The following CNTN4 variants were observed in gnomAD, a reference collection of about 807,000 sequenced individuals.
The protein encoded by CNTN4 is contactin-4.
A neutral mutation model predicts 122.5 loss-of-function variants in CNTN4; 77 were observed. The ratio of observed to expected loss-of-function variants is 0.63; its 90% CI spans 0.52 to 0.76. The LOEUF is 0.76. CNTN4 is among the 30% of genes least tolerant of loss of function. The probability of loss-of-function intolerance (pLI) is 0.00; values close to 1 mark genes in which losing one functional copy is unlikely to be tolerated. For missense variants in CNTN4, 1,256 were observed against 1,259.1 expected (o/e 1.00, Z 0.04); for synonymous variants, 512 against 447.0 (o/e 1.15, Z -1.83).
intron 2 of CNTN4, among the ~76,000 whole-genome samples, chr3:2,148,505 C>T (rs992018056): frequency 2.0e-5 from 3 of 151,416 alleles, no homozygotes; most frequent in African/African-American, 7.3e-5. Context: ...TGCACTTCAG[C>T]CTGGGTGACA....
At chr3:2,834,010 G>A (rs2093160671) in intron 7 of CNTN4, among the ~76,000 whole-genome samples, 2 of 152,034 alleles carry the variant, frequency 1.3e-5, no homozygotes, top group South Asian at 4.2e-4. Flanking sequence ...GCTGGGCATG[G>A]TGGCGGGCAC....
At position 2,570,200 on chromosome 3, in the gene CNTN4, G is replaced by T. The variant is rs1209480539; in HGVS notation, c.-88-1216G>T. 2.0e-5 allele frequency among the ~76,000 whole-genome samples: 3 copies of T among 151,878 alleles called. No individual in the cohort carries two copies. In the East Asian group the frequency reaches 5.8e-4, roughly 29 times the overall value. On this transcript the variant is annotated intron_variant, in intron 3 of 24. Coordinates refer to ENST00000418658, the MANE Select transcript of CNTN4 (RefSeq NM_175607.3). ...AATTTTTTTTTTTCTCTGAGACAGG[G>T]TCTCCCTCTGTTGCCCAGGCTGGAA...
intron 12 of CNTN4, among the ~76,000 whole-genome samples, chr3:2,922,524 T>C (rs756820902): frequency 2.0e-5 from 3 of 152,102 alleles, no homozygotes; most frequent in Admixed American, 6.6e-5. Flanking sequence ...TACCACAGTT[T>C]ATGGTTACAA....
chr3:2,781,623 A>G (rs1327954657), intron 6 of CNTN4, among the ~76,000 whole-genome samples: 1 of 151,726 alleles, frequency 6.6e-6, no homozygotes, highest in Non-Finnish European at 1.5e-5. Context: ...GGGAGACATG[A>G]GACATCAATC....
chr3:2,819,721 C>T (rs560316805), intron 7 of CNTN4, 140 bp downstream of exon 7: 45 of 723,156 alleles, frequency 6.2e-5, no homozygotes, highest in Non-Finnish European at 9.2e-5. Flanking sequence ...GGAAAAACCA[C>T]GGTGAATGCC....
intron 14 of CNTN4, among the ~76,000 whole-genome samples, chr3:3,005,731 T>G (rs1188772161): frequency 1.8e-5 from 1 of 56,898 alleles, no homozygotes; most frequent in Non-Finnish European, 4.4e-5. Context: ...GGGCACTAAT[T>G]CCATTCATGA....
chr3:2,658,801 T>A (rs1333035026), intron 4 of CNTN4, among the ~76,000 whole-genome samples: 3 of 152,032 alleles, frequency 2.0e-5, no homozygotes, highest in Non-Finnish European at 4.4e-5. Context: ...GGGTCTTAGT[T>A]TCAAGCCTTT....
intron 3 of CNTN4, chr3:2,362,387 G>A (rs1054910540): frequency 3.9e-5 from 13 of 334,784 alleles, no homozygotes; most frequent in African/African-American, 8.8e-5. Context: ...AAGGCCCAGC[G>A]GGCAATTCCT....
intron 2 of CNTN4, among the ~76,000 whole-genome samples, chr3:2,115,673 C>T (rs2729007): frequency 0.17 from 26,319 of 152,200 alleles, 2,848 homozygotes; most frequent in Admixed American, 0.31. Flanking sequence ...ATAAATCTCT[C>T]TATTGGTTTT....
At chr3:2,369,032 C>G (rs2045527024) in intron 3 of CNTN4, among the ~76,000 whole-genome samples, 1 of 152,148 alleles carries the variant, frequency 6.6e-6, no homozygotes, top group African/African-American at 2.4e-5. Flanking sequence ...TCAAGTGATT[C>G]TCCTGCCTCA....
At chr3:2,329,207 A>T (rs1391117241) in intron 2 of CNTN4, among the ~76,000 whole-genome samples, 1 of 152,204 alleles carries the variant, frequency 6.6e-6, no homozygotes, top group African/African-American at 2.4e-5. Context: ...AAGTGCAATG[A>T]CCATATTTTT....
chr3:2,911,863 A>C (rs2151230353), intron 12 of CNTN4, among the ~76,000 whole-genome samples: 1 of 152,342 alleles, frequency 6.6e-6, no homozygotes, highest in African/African-American at 2.4e-5. Context: ...AGCAATTCAA[A>C]GACAGAACAT....
chr3:2,684,491 T>G (rs539675999), intron 4 of CNTN4, among the ~76,000 whole-genome samples: 4 of 152,232 alleles, frequency 2.6e-5, no homozygotes, highest in Admixed American at 2.6e-4. Flanking sequence ...CTGTTTCTCT[T>G]TAAGTGTGGC....
chr3:2,269,082 T>A (rs936784420), intron 2 of CNTN4, among the ~76,000 whole-genome samples: 4 of 152,114 alleles, frequency 2.6e-5, no homozygotes, highest in African/African-American at 9.7e-5. Context: ...TGGGCCTCCT[T>A]GAGAAATAAA....
At chr3:2,816,362 T>TA (rs942547179) in intron 6 of CNTN4, among the ~76,000 whole-genome samples, 111 of 148,438 alleles carry the variant, frequency 7.5e-4, no homozygotes, top group African/African-American at 2.5e-3. Context: ...TCAAAAAAAA[T>TA]AAAAAAAATA....
chr3:2,497,579 C>T (rs1333825534), intron 3 of CNTN4, among the ~76,000 whole-genome samples: 2 of 152,092 alleles, frequency 1.3e-5, no homozygotes, highest in Non-Finnish European at 1.5e-5. Context: ...AGTTAAGTCT[C>T]ATAAGATCCA....
intron 2 of CNTN4, among the ~76,000 whole-genome samples, chr3:2,156,306 G>A (rs2035715937): frequency 6.6e-6 from 1 of 152,184 alleles, no homozygotes; most frequent in Non-Finnish European, 1.5e-5. Context: ...GGGCGTCTTC[G>A]ATGAGCTTAG....
intron 1 of CNTN4, chr3:2,099,375 G>C (rs937743313): frequency 2.0e-5 from 3 of 152,336 alleles, no homozygotes; most frequent in African/African-American, 4.8e-5. Flanking sequence ...CGACTGGTTC[G>C]GGCTACTGCC....
At chr3:2,652,933 G>C (rs1373968240) in intron 4 of CNTN4, among the ~76,000 whole-genome samples, 1 of 151,886 alleles carries the variant, frequency 6.6e-6, no homozygotes, top group African/African-American at 2.4e-5. Flanking sequence ...CTTGTCCTTT[G>C]AAGTTAGATT....
Sources: gnomAD v4.1 joint callset for allele counts (sites outside exome capture counted in the v4.1 genomes callset) on GRCh38, gnomAD v4.1.1 for gene constraint, MANE v1.5 for transcripts, NCBI Gene and HGNC (gene_info 2026-07-23, HGNC 2026-07-21) for gene names.